Variants in KMT2C observed in about 807,000 individuals in gnomAD.
KMT2C encodes the protein histone-lysine N-methyltransferase 2C.
A neutral mutation model predicts 507.9 loss-of-function variants in KMT2C; 88 were observed. The ratio of observed to expected loss-of-function variants is 0.17; its 90% CI spans 0.15 to 0.21. KMT2C has a LOEUF of 0.21. Ranked by LOEUF, KMT2C falls within the 10% of genes least tolerant of loss-of-function variation. KMT2C has a pLI of 1.00. For missense variants in KMT2C, 4,954 were observed against 5,957.8 expected (o/e 0.83, Z 5.55); for synonymous variants, 2,049 against 2,080.8 (o/e 0.98, Z 0.42).
At chr7:152,403,715 TACACAC>T (rs36191060) in intron 1 of KMT2C, among the ~76,000 whole-genome samples, 1,178 of 136,894 alleles carry the variant, frequency 8.6e-3, no homozygotes, top group African/African-American at 0.016. Flanking sequence ...CTGGGACACA[TACACAC>T]ACACACACAC....
chr7:152,194,282 A>G, intron 29 of KMT2C, 21 bp from the exon 30 acceptor site: 1 of 1,430,502 alleles, frequency 7.0e-7, no homozygotes, highest in Non-Finnish European at 9.5e-7. Flanking sequence ...TTAAAAAAAA[A>G]AAAGAAACAT....
At chr7:152,221,635 TATTA>T (rs1185640107) in intron 22 of KMT2C, among the ~76,000 whole-genome samples, 1 of 152,206 alleles carries the variant, frequency 6.6e-6, no homozygotes, top group African/African-American at 2.4e-5. Context: ...ATACTAGGCT[TATTA>T]ATTATTTTAA....
In KMT2C at chr7:152,322,262, C is replaced by A. The variant is rs147961648; in HGVS notation, c.390-6924G>T. Among the ~76,000 whole-genome samples, 192 of 151,966 alleles carry A rather than the reference C, an allele frequency of 1.3e-3. 3 individuals are homozygous for A. The East Asian group carries it at 0.029, about 23-fold the overall frequency. On this transcript the variant is annotated intron_variant, in intron 3 of 58. Coordinates refer to ENST00000262189, the MANE Select transcript of KMT2C (RefSeq NM_170606.3). ...CCTGTAGTCCCAGGTACTCAAGAGG[C>A]TGAGGTGGGTGGACGGCTCCAGCTC...
At chr7:152,147,362 C>T (rs2091207684) in intron 52 of KMT2C, among the ~76,000 whole-genome samples, 1 of 151,948 alleles carries the variant, frequency 6.6e-6, no homozygotes, top group Non-Finnish European at 1.5e-5. Flanking sequence ...AGATGTCATT[C>T]CTGCCTTCTA....
chr7:152,280,637 G>A (rs1355398838), intron 6 of KMT2C, among the ~76,000 whole-genome samples: 4 of 152,166 alleles, frequency 2.6e-5, no homozygotes, highest in Non-Finnish European at 5.9e-5. Flanking sequence ...CACCCCCAGA[G>A]CTTCCACCCA....
intron 1 of KMT2C, among the ~76,000 whole-genome samples, chr7:152,418,587 A>G (rs2097760116): frequency 6.6e-6 from 1 of 151,706 alleles, no homozygotes; most frequent in African/African-American, 2.4e-5. Context: ...GCATGCCACC[A>G]CACCTGGCTA....
chr7:152,257,598 A>C (rs1486984798), intron 9 of KMT2C, among the ~76,000 whole-genome samples: 1 of 152,234 alleles, frequency 6.6e-6, no homozygotes, highest in Non-Finnish European at 1.5e-5. Context: ...ATGTTGCTAC[A>C]ACCCAGAATT....
chr7:152,418,523 C>T (rs1232261443), intron 1 of KMT2C, among the ~76,000 whole-genome samples: 3 of 152,018 alleles, frequency 2.0e-5, no homozygotes, highest in Admixed American at 6.6e-5. Context: ...CTCCACCTCC[C>T]GGATTCCAGC....
At chr7:152,205,747 A>G (rs914263336) in intron 24 of KMT2C, among the ~76,000 whole-genome samples, 4 of 152,322 alleles carry the variant, frequency 2.6e-5, no homozygotes, top group Admixed American at 2.6e-4. Context: ...AATGTGTAGT[A>G]AGCTATACCA....
At chr7:152,317,912 G>A (rs192149369) in intron 3 of KMT2C, among the ~76,000 whole-genome samples, 80 of 152,146 alleles carry the variant, frequency 5.3e-4, no homozygotes, top group Non-Finnish European at 2.2e-4. Context: ...AGGCCGAGAC[G>A]GGCAGATCAC....
chr7:152,245,995 CAG>C (rs1230419408), intron 14 of KMT2C, among the ~76,000 whole-genome samples: 2 of 152,112 alleles, frequency 1.3e-5, no homozygotes, highest in East Asian at 3.8e-4. Flanking sequence ...TAAATAAAAA[CAG>C]AAGTATAATA....
chr7:152,224,599 A>G lies in KMT2C; in HGVS notation c.2994T>C (p.Leu998=). ...ACTCAAGACACCTCCAACCTTTGCT[A>G]AGAACCACTTTAGTGATCTGTAAAA... The part of the protein sequence containing the change: ...CVSIKITKVV[L]SKGWRCLECT... Residue 998 remains leucine, a synonymous_variant, in exon 19 of 59, where the codon CTT becomes CTC. Coordinates refer to ENST00000262189, the MANE Select transcript of KMT2C (RefSeq NM_170606.3). 4 of 1,573,476 alleles carry G rather than the reference A, an allele frequency of 2.5e-6. No individual in the cohort carries two copies. Among genetic ancestry groups the G allele is most frequent in the Middle Eastern group, 2.3e-4 (1 of 4,356 alleles).
At chr7:152,410,807 G>T (rs2097674565) in intron 1 of KMT2C, among the ~76,000 whole-genome samples, 2 of 151,640 alleles carry the variant, frequency 1.3e-5, no homozygotes, top group Non-Finnish European at 2.9e-5. Flanking sequence ...GGTCAGCCTG[G>T]GCAACATCGA....
chr7:152,275,294 C>CG (rs1235234334), intron 6 of KMT2C, among the ~76,000 whole-genome samples: 1 of 152,110 alleles, frequency 6.6e-6, no homozygotes, highest in Non-Finnish European at 1.5e-5. Context: ...CCTGTAATCC[C>CG]GGCACTTTGG....
chr7:152,298,080 G>C (rs2096532480), intron 6 of KMT2C, among the ~76,000 whole-genome samples: 1 of 151,224 alleles, frequency 6.6e-6, no homozygotes, highest in Non-Finnish European at 1.5e-5. Flanking sequence ...GAAGATACAA[G>C]AACAGACACT....
intron 6 of KMT2C, among the ~76,000 whole-genome samples, chr7:152,295,743 C>T (rs2096485899): frequency 6.6e-6 from 1 of 152,166 alleles, no homozygotes; most frequent in African/African-American, 2.4e-5. Flanking sequence ...TCATGGCTGT[C>T]TCAACTTCTT....
In KMT2C at chr7:152,251,990, T is replaced by G. The variant is rs764002287; in HGVS notation, c.1570A>C (p.Met524Leu). 1 of 1,613,204 alleles carries G rather than the reference T, an allele frequency of 6.2e-7. No homozygotes were observed. The highest frequency in any genetic ancestry group is 1.1e-5 in the South Asian group (1 of 90,826). Residue 524 changes from methionine (M) to leucine (L), a missense_variant, in exon 11 of 59, where the codon ATG becomes CTG. Transcript: ENST00000262189. ...CMYCKHLGAE[M>L]DRLQPGEEVE... ...TCCTCACCTGGCTGTAAACGATCCA[T>G]CTCAGCTCCCAGGTGTTTACAATAC...
At chr7:152,256,012 T>C (rs1588637389) in intron 9 of KMT2C, among the ~76,000 whole-genome samples, 3 of 152,028 alleles carry the variant, frequency 2.0e-5, no homozygotes, top group East Asian at 3.9e-4. Flanking sequence ...CTACTAAAAA[T>C]ACAAAAATTA....
In KMT2C at chr7:152,375,456, G is replaced by A. The variant is rs369700684; in HGVS notation, c.162-16781C>T. Among the ~76,000 whole-genome samples the A allele has an allele frequency of 2.4e-4, 37 of 151,972 alleles. 2 individuals carry two copies. The highest frequency in any genetic ancestry group is 1.6e-3 in the Admixed American group (24 of 15,254). ...GCTGGGGTGCAGTGGGATGATCTTG[G>A]CTCAATGAAACCTCTATCTCCCAGG... On this transcript the variant is annotated intron_variant, in intron 1 of 58. Transcript: ENST00000262189.
Sources: allele counts gnomAD v4.1 joint callset (sites outside exome capture counted in the v4.1 genomes callset), GRCh38; gene constraint gnomAD v4.1.1; transcripts MANE v1.5; gene names NCBI Gene and HGNC (gene_info 2026-07-23, HGNC 2026-07-21).